Variants in KRT71 observed in about 807,000 individuals in gnomAD.
The protein encoded by KRT71 is keratin, type II cytoskeletal 71.
In KRT71, 42 loss-of-function variants were observed where a neutral mutation model predicts 46.2. That is an observed-to-expected ratio of 0.91 (90% CI 0.71 to 1.18). KRT71 has a LOEUF of 1.18. Ranked by LOEUF, KRT71 falls within the 50% of genes most tolerant of loss-of-function variation. KRT71 has a pLI of 0.00. For missense variants in KRT71, 708 were observed against 677.9 expected, an observed-to-expected ratio of 1.04 and a Z score of -0.49; for synonymous variants, 292 against 277.8, an observed-to-expected ratio of 1.05 and a Z score of -0.51.
chr12:52,549,988 A>G, intron 2 of KRT71, 41 bp downstream of exon 2: 1 of 1,610,146 alleles, frequency 6.2e-7, no homozygotes, highest in South Asian at 1.1e-5. Context: ...TTGGAGGGAC[A>G]AGGGCAGTTG....
chr12:52,544,242 G>T lies in KRT71; in HGVS notation c.*290C>A, dbSNP rs577775531. 2 of 511,020 alleles carry T rather than the reference G, an allele frequency of 3.9e-6. No individual in the cohort carries two copies. Among genetic ancestry groups the T allele is most frequent in the Admixed American group, 6.5e-5 (2 of 30,944 alleles). 31.7% of individuals were successfully genotyped at this position (511,020 alleles called of 1,614,324 possible). On this transcript the variant is annotated 3_prime_UTR_variant, in exon 9 of 9. Coordinates refer to ENST00000267119, the MANE Select transcript of KRT71 (RefSeq NM_033448.3). ...AGTTAGCGACTGCGCTAGAGGCCGG[G>T]CAGAGGAGGAAAGCTGGCAGCCAGG...
Position 52,544,535 on chromosome 12 carries a change from C to T in KRT71, c.1569G>A (p.Arg523=), listed in dbSNP as rs1939021756. The change falls in exon 9 of 9, where the codon CGG becomes CGA. Residue 523 remains arginine, a synonymous_variant. Transcript: ENST00000267119. ...SLSAPSKKTS[R] The stretch of plus-strand genomic sequence containing the variant: ...GCGGGGCCCGGGGCAGTCTTCTCTA[C>T]CGACTGGTTTTCTTGGAGGGTGCAC... The T allele has an allele frequency of 2.5e-6, 4 of 1,613,956 alleles. No individual in the cohort carries two copies. Among genetic ancestry groups the T allele is most frequent in the African/African-American group, 2.7e-5 (2 of 75,026 alleles).
Position 52,550,149 on chromosome 12 carries a change from G to A in KRT71, c.536C>T (p.Pro179Leu), listed in dbSNP as rs1201951878. The A allele has an allele frequency of 1.2e-6, 2 of 1,614,020 alleles. No individual in the cohort carries two copies. Among genetic ancestry groups the A allele is most frequent in the Non-Finnish European group, 1.7e-6 (2 of 1,180,038 alleles). The change falls in exon 2 of 9, where the codon CCC becomes CTC. Residue 179 changes from proline to leucine, a missense_variant. Transcript: ENST00000267119. ...DLNNCKNNLE[P>L]ILEGYISNLR... ...GTTGCTGATGTAGCCCTCGAGGATG[G>A]GCTCCAGGTTGTTCTTGCAGTTGTT...
At position 52,544,509 on chromosome 12, in the gene KRT71, G is replaced by A. The variant is rs776257703; in HGVS notation, c.*23C>T. 8 of 1,604,706 alleles carry A rather than the reference G, an allele frequency of 5.0e-6. No homozygotes were observed. The Admixed American group carries it at 1.0e-4, about 20-fold the overall frequency. On this transcript the variant is annotated 3_prime_UTR_variant, in exon 9 of 9. Coordinates refer to ENST00000267119, the MANE Select transcript of KRT71 (RefSeq NM_033448.3). ...GATCCAGAGCCGGGTCATGGAATGAGGCGGGGCCCGGGGCAGTCTTCTCTA... is the reference window on the plus strand; with the variant it reads ...GATCCAGAGCCGGGTCATGGAATGAAGCGGGGCCCGGGGCAGTCTTCTCTA...
At chr12:52,548,428 A>G (rs1939097994) in intron 4 of KRT71, 112 bp from the exon 5 acceptor site, 2 of 1,256,340 alleles carry the variant, frequency 1.6e-6, no homozygotes, top group Middle Eastern at 2.0e-4. Context: ...CTGGAACCCA[A>G]GGCTGCTGCC....
At position 52,548,391 on chromosome 12, in the gene KRT71, C is replaced by T. The variant is rs1387630751; in HGVS notation, c.814-75G>A. ...AACCACCACCCCCAAACAAGATGAG[C>T]AAATTCTGGTGATGCCATCTTGGAG... is the stretch of plus-strand genomic sequence containing the variant. On this transcript the variant is annotated intron_variant, in intron 4 of 8. Transcript: ENST00000267119. 3.3e-6 allele frequency: 5 copies of T among 1,501,902 alleles called. No homozygotes were observed. The African/African-American group carries it at 6.9e-5, about 21-fold the overall frequency. The allele number at this position is 1,501,902 out of a possible 1,614,324, so 93.0% of individuals were successfully genotyped here. A position where few individuals can be genotyped will look rare whatever the true frequency, so the allele number is the denominator to read the frequency against.
At chr12:52,551,635 G>A (rs560696526) in intron 1 of KRT71, among the ~76,000 whole-genome samples, 14 of 152,232 alleles carry the variant, frequency 9.2e-5, no homozygotes, top group African/African-American at 2.4e-4. Context: ...GGGTTGACCC[G>A]TCCTTGGTGC....
chr12:52,544,767 A>T (rs1398169819), intron 8 of KRT71, 24 bp from the exon 9 acceptor site: 1 of 1,588,172 alleles, frequency 6.3e-7, no homozygotes, highest in Non-Finnish European at 8.6e-7. Flanking sequence ...CGAAGCCAAC[A>T]CCCACTCAGG....
In KRT71 at chr12:52,552,545, A is replaced by G. The variant is rs1939189712; in HGVS notation, c.441+92T>C. 2.2e-6 allele frequency: 3 copies of G among 1,334,774 alleles called. No individual in the cohort carries two copies. The African/African-American group carries it at 4.4e-5, about 20-fold the overall frequency. The allele number at this position is 1,334,774 out of a possible 1,614,324, so 82.7% of individuals were successfully genotyped here. On this transcript the variant is annotated intron_variant, in intron 1 of 8. Coordinates refer to ENST00000267119, the MANE Select transcript of KRT71 (RefSeq NM_033448.3). ...CCACAGTAAAGTCTTCCTCACATCT[A>G]ACCTCAATCTCTCCTGCTGTAACAA...
intron 7 of KRT71, among the ~76,000 whole-genome samples, chr12:52,545,832 C>G (rs962204572): frequency 6.6e-6 from 1 of 152,128 alleles, no homozygotes; most frequent in Non-Finnish European, 1.5e-5. Context: ...AAGGTGCACA[C>G]GTAGGGGCAG....
Position 52,553,002 on chromosome 12 carries a change from C to CT in KRT71, c.75dup (p.Gly26ArgfsTer84). ...GCCCGGAAGGAGGATGAGCTGCCCCCTGAGAGCACAGCTGAGCAGCCACTG... is the reference window on the plus strand; with the variant it reads ...GCCCGGAAGGAGGATGAGCTGCCCCCTTGAGAGCACAGCTGAGCAGCCACTG... On this transcript the variant is annotated frameshift_variant, in exon 1 of 9. Coordinates refer to ENST00000267119, the MANE Select transcript of KRT71 (RefSeq NM_033448.3). LOFTEE classifies it high-confidence loss of function. The CT allele has an allele frequency of 1.2e-6, 2 of 1,613,756 alleles. No homozygotes were observed. The highest frequency in any genetic ancestry group is 1.7e-6 in the Non-Finnish European group (2 of 1,179,828).
intron 6 of KRT71, among the ~76,000 whole-genome samples, chr12:52,547,174 G>A (rs4761928): frequency 0.38 from 58,402 of 152,020 alleles, 13,945 homozygotes; most frequent in Middle Eastern, 0.54. Flanking sequence ...TACCAGCTGT[G>A]TAACCCCCTT....
chr12:52,545,679 CT>C, intron 7 of KRT71, 80 bp from the exon 8 acceptor site: 1 of 890,142 alleles, frequency 1.1e-6, no homozygotes, highest in East Asian at 2.6e-5. Context: ...CACCATCAGC[CT>C]TATGTGGGTT....
chr12:52,544,400 G>T lies in KRT71; in HGVS notation c.*132C>A. 1.2e-6 allele frequency: 1 copy of T among 858,310 alleles called. No homozygotes were observed. The highest frequency in any genetic ancestry group is 1.9e-6 in the Non-Finnish European group (1 of 518,426). The allele number at this position is 858,310 out of a possible 1,614,324, so 53.2% of individuals were successfully genotyped here. On this transcript the variant is annotated 3_prime_UTR_variant, in exon 9 of 9. Transcript: ENST00000267119. The stretch of plus-strand genomic sequence containing the variant: ...AGACACAGGCTGGGAGAAGTGGGTG[G>T]CCAAGGCCAGTGCCAGGTGTATGGG...
intron 7 of KRT71, 25 bp downstream of exon 7, chr12:52,546,261 T>G: frequency 6.2e-7 from 1 of 1,612,814 alleles, no homozygotes; most frequent in Non-Finnish European, 8.5e-7. Context: ...CCTGGGGCCC[T>G]CCTGTCTGGG....
chr12:52,548,089 G>C (rs1462393248), intron 5 of KRT71, 63 bp downstream of exon 5: 10 of 1,600,532 alleles, frequency 6.2e-6, no homozygotes, highest in Middle Eastern at 1.7e-4. Flanking sequence ...TTCTGGGCAC[G>C]ATCTGTCTCC....
chr12:52,544,839 G>A, intron 8 of KRT71, 96 bp from the exon 9 acceptor site: 2 of 1,025,820 alleles, frequency 1.9e-6, no homozygotes, highest in Non-Finnish European at 2.9e-6. Flanking sequence ...GAGAAGCTGA[G>A]TGGGGAGGTG....
In KRT71 at chr12:52,547,896, G is replaced by T. The variant is rs775015712; in HGVS notation, c.1065C>A (p.Ile355=). 6.2e-7 allele frequency: 1 copy of T among 1,614,160 alleles called. No individual in the cohort carries two copies. The highest frequency in any genetic ancestry group is 8.5e-7 in the Non-Finnish European group (1 of 1,180,036). The part of the protein sequence containing the change: ...KNEISELTRL[I]QRIRSEIENV... Reference sequence around the variant, plus strand: ...TCTCGATCTCTGAGCGGATTCTCTGGATGAGCCGAGTGAGCTCCGAGATTT... The same window carrying T: ...TCTCGATCTCTGAGCGGATTCTCTGTATGAGCCGAGTGAGCTCCGAGATTT... The change falls in exon 6 of 9, where the codon ATC becomes ATA. Residue 355 remains isoleucine (I), a synonymous_variant. Transcript: ENST00000267119.
In KRT71 at chr12:52,549,265, C is replaced by T. The variant is rs533524536; in HGVS notation, c.717+28G>A. On this transcript the variant is annotated intron_variant, in intron 3 of 8. Coordinates refer to ENST00000267119, the MANE Select transcript of KRT71 (RefSeq NM_033448.3). ...TTCCTCCAGGTCCCAGGCCAGCCCC[C>T]GGGACTCAGGGCCTGCCTTCCCCTC... The T allele has an allele frequency of 1.0e-4, 159 of 1,584,876 alleles. 2 individuals are homozygous for T. In the East Asian group the frequency reaches 3.0e-3, roughly 30 times the overall value.
Sources: allele counts gnomAD v4.1 joint callset (sites outside exome capture counted in the v4.1 genomes callset), GRCh38; gene constraint gnomAD v4.1.1; transcripts MANE v1.5; gene names NCBI Gene and HGNC (gene_info 2026-07-23, HGNC 2026-07-21).